RPH3A: variants seen among roughly 807,000 people sequenced by gnomAD.
RPH3A encodes rabphilin 3A.
Under a neutral mutation model 102.2 loss-of-function variants are expected in RPH3A, and 48 were observed. The observed-to-expected ratio is 0.47, with a 90% CI of 0.37 to 0.60. The LOEUF is 0.60. Among genes scored for constraint, RPH3A ranks in the 20% least tolerant of loss-of-function variants. The pLI is 0.00. For synonymous variants in RPH3A, 310 were observed against 324.3 expected (o/e 0.96, Z 0.47); for missense variants, 781 against 910.1 (o/e 0.86, Z 1.83).
At chr12:112,717,792 A>T (rs775627245) in intron 1 of RPH3A, among the ~76,000 whole-genome samples, 4 of 150,300 alleles carry the variant, frequency 2.7e-5, no homozygotes, top group Non-Finnish European at 5.9e-5. Flanking sequence ...ACATATGTTT[A>T]ACTTTATCAC....
chr12:112,686,620 T>C (rs1328955205), intron 1 of RPH3A, among the ~76,000 whole-genome samples: 1 of 152,172 alleles, frequency 6.6e-6, no homozygotes. Flanking sequence ...CTTCCAGATA[T>C]GCAAGTGAGG....
At chr12:112,847,565 A>G (rs2042251204) in intron 4 of RPH3A, 131 bp from the exon 5 acceptor site, 5 of 993,056 alleles carry the variant, frequency 5.0e-6, no homozygotes, top group Admixed American at 4.4e-5. Context: ...GTCCCATTGC[A>G]GAGAGGAGCA....
chr12:112,866,137 A>T (rs775665175), intron 6 of RPH3A, among the ~76,000 whole-genome samples: 4 of 152,202 alleles, frequency 2.6e-5, no homozygotes, highest in Non-Finnish European at 5.9e-5. Flanking sequence ...TGAACAACCC[A>T]GCTGGAGACA....
chr12:112,717,010 T>A (rs920876502), intron 1 of RPH3A, among the ~76,000 whole-genome samples: 1 of 152,176 alleles, frequency 6.6e-6, no homozygotes, highest in African/African-American at 2.4e-5. Context: ...ACTTACTATG[T>A]TGGAAGGCAC....
chr12:112,647,714 A>G (rs577377554), intron 1 of RPH3A, among the ~76,000 whole-genome samples: 6 of 152,262 alleles, frequency 3.9e-5, no homozygotes, highest in South Asian at 2.1e-4. Context: ...GTGGATATAC[A>G]TAGGGGGAAG....
At chr12:112,750,853 G>A (rs1358842623) in intron 1 of RPH3A, among the ~76,000 whole-genome samples, 2 of 152,124 alleles carry the variant, frequency 1.3e-5, no homozygotes. Context: ...GGGGTTCTGA[G>A]AAAACTTTCT....
At chr12:112,747,306 C>T (rs557833820) in intron 1 of RPH3A, among the ~76,000 whole-genome samples, 1 of 152,306 alleles carries the variant, frequency 6.6e-6, no homozygotes, top group East Asian at 1.9e-4. Flanking sequence ...AGAGAGACCC[C>T]TTGCCCTTCC....
At chr12:112,621,961 AC>A (rs1230220979) in intron 1 of RPH3A, among the ~76,000 whole-genome samples, 3 of 150,708 alleles carry the variant, frequency 2.0e-5, no homozygotes, top group African/African-American at 7.3e-5. Flanking sequence ...GACACCTCAC[AC>A]GGCAGGGTAT....
intron 1 of RPH3A, among the ~76,000 whole-genome samples, chr12:112,673,834 C>T (rs1365629045): frequency 6.6e-6 from 1 of 152,106 alleles, no homozygotes; most frequent in African/African-American, 2.4e-5. Flanking sequence ...CCCACACAGC[C>T]CCCCACTACC....
chr12:112,649,021 G>T (rs1202222896), intron 1 of RPH3A, among the ~76,000 whole-genome samples: 2 of 152,146 alleles, frequency 1.3e-5, no homozygotes, highest in Non-Finnish European at 2.9e-5. Context: ...GTTTCATTAT[G>T]CTGACCAGAT....
At chr12:112,690,617 A>C (rs1349008141) in intron 1 of RPH3A, among the ~76,000 whole-genome samples, 1 of 152,218 alleles carries the variant, frequency 6.6e-6, no homozygotes, top group Non-Finnish European at 1.5e-5. Flanking sequence ...TAAGAAGAAC[A>C]CACCTATTAG....
chr12:112,727,128 T>C (rs1324911243), intron 1 of RPH3A, among the ~76,000 whole-genome samples: 1 of 152,096 alleles, frequency 6.6e-6, no homozygotes, highest in Non-Finnish European at 1.5e-5. Flanking sequence ...AGCGTTCACC[T>C]ATTATCTTCA....
rs536853838 is a variant in RPH3A, at chr12:112,778,378, T to C, written c.-139-13765T>C. Reference sequence around the variant, plus strand: ...TGACACCCTGAAAGTAGTTCACACATAGAATTAAAAGAATCCATTTTGCCC... The same window carrying C: ...TGACACCCTGAAAGTAGTTCACACACAGAATTAAAAGAATCCATTTTGCCC... On this transcript the variant is annotated intron_variant, in intron 1 of 21. Transcript: ENST00000543106. Among the ~76,000 whole-genome samples, 484 of 152,318 alleles carry C rather than the reference T, an allele frequency of 3.2e-3. 1 individual carries two copies. The highest frequency in any genetic ancestry group is 4.8e-3 in the Non-Finnish European group (324 of 68,026).
chr12:112,865,823 G>A (rs1465077508), intron 6 of RPH3A, among the ~76,000 whole-genome samples: 2 of 152,176 alleles, frequency 1.3e-5, no homozygotes, highest in Admixed American at 1.3e-4. Context: ...CATGAGCAAT[G>A]ATTGAGCCTG....
In RPH3A at chr12:112,826,303, C is replaced by T. The variant is rs1407231112; in HGVS notation, c.-18-1998C>T. The stretch of plus-strand genomic sequence containing the variant: ...AGGCCTTTGGGGCTGGGAAAGAGGG[C>T]GTGAGAAGAGTGGAAGGAAAAGAGA... On this transcript the variant is annotated intron_variant, in intron 2 of 21. Transcript: ENST00000389385. 8.6e-5 allele frequency among the ~76,000 whole-genome samples: 13 copies of T among 151,968 alleles called. 1 individual carries two copies. The highest frequency in any genetic ancestry group is 1.9e-4 in the East Asian group (1 of 5,194).
At chr12:112,880,783 TTTTGTATACTTTAGGTA>T (rs2136245283) in intron 14 of RPH3A, among the ~76,000 whole-genome samples, 1 of 152,356 alleles carries the variant, frequency 6.6e-6, no homozygotes, top group Non-Finnish European at 1.5e-5. Flanking sequence ...TGAACACATC[TTTTGTATACTTTAGGTA>T]TTATGTACTG....
chr12:112,719,933 CT>C (rs2040540128), intron 1 of RPH3A, among the ~76,000 whole-genome samples: 1 of 152,186 alleles, frequency 6.6e-6, no homozygotes, highest in Non-Finnish European at 1.5e-5. Context: ...CACTTGCTTT[CT>C]TTTCTGAGTC....
At chr12:112,848,888 C>T (rs1301690798) in intron 5 of RPH3A, among the ~76,000 whole-genome samples, 1 of 151,910 alleles carries the variant, frequency 6.6e-6, no homozygotes, top group African/African-American at 2.4e-5. Flanking sequence ...GTTTGGAGGA[C>T]TCTTGGTATA....
intron 2 of RPH3A, among the ~76,000 whole-genome samples, chr12:112,820,051 A>AT (rs975702019): frequency 8.5e-5 from 13 of 152,186 alleles, no homozygotes; most frequent in African/African-American, 2.9e-4. Flanking sequence ...ACATGGGGCT[A>AT]TTTTTTGTGA....
Sources: allele counts gnomAD v4.1 joint callset (sites outside exome capture counted in the v4.1 genomes callset), GRCh38; gene constraint gnomAD v4.1.1; transcripts MANE v1.5; gene names NCBI Gene and HGNC (gene_info 2026-07-23, HGNC 2026-07-21).